NSUN7: variants seen among roughly 807,000 people sequenced by gnomAD.
NSUN7 encodes the protein NOP2/Sun RNA methyltransferase family member 7, also known as protein NSUN7.
In NSUN7, 39 loss-of-function variants were observed where a neutral mutation model predicts 58.5. The observed-to-expected ratio is 0.67, with a 90% confidence interval of 0.52 to 0.87. NSUN7 has a LOEUF of 0.87. NSUN7 is among the 40% of genes least tolerant of loss of function. The probability of loss-of-function intolerance (pLI) is 0.00; values close to 1 mark genes in which losing one functional copy is unlikely to be tolerated. For synonymous variants in NSUN7, 278 were observed against 303.7 expected (o/e 0.92, Z 0.88); for missense variants, 765 against 844.1 (o/e 0.91, Z 1.16).
In NSUN7 at chr4:40,810,909, C is replaced by CTT. The variant is rs1744275904; in HGVS notation, c.*1971_*1972dup. 1 of 152,186 alleles carries CTT rather than the reference C, an allele frequency of 6.6e-6. No homozygotes were observed. The allele number at this position is 152,186 out of a possible 1,614,324, so 9.4% of individuals were successfully genotyped here. On this transcript the variant is annotated 3_prime_UTR_variant, in exon 12 of 12. Transcript: ENST00000381782. ...ATCCCATTGTGTATCATAAGAATCC[C>CTT]TTATCCTTTTCGGGCCCTCCACCAT...
chr4:40,775,999 A>G lies in NSUN7; in HGVS notation c.826-50A>G, dbSNP rs1742241483. The G allele has an allele frequency of 8.5e-7, 1 of 1,175,374 alleles. No individual in the cohort carries two copies. The highest frequency in any genetic ancestry group is 1.2e-6 in the Non-Finnish European group (1 of 826,170). The allele number at this position is 1,175,374 out of a possible 1,614,324, so 72.8% of individuals were successfully genotyped here. A position where few individuals can be genotyped will look rare whatever the true frequency, so the allele number is the denominator to read the frequency against. On this transcript the variant is annotated intron_variant, in intron 6 of 11. Coordinates refer to ENST00000381782, the MANE Select transcript of NSUN7 (RefSeq NM_024677.6). The surrounding 1 kb of genome is among the most constrained non-coding windows in gnomAD (Gnocchi z 4.3). ...ATGTAAAGCAAATAGAAGTCAGCTT[A>G]TATTTCTAGCCATACCCTTTGAAAT...
chr4:40,756,034 C>T (rs989774738), intron 2 of NSUN7, among the ~76,000 whole-genome samples: 7 of 152,046 alleles, frequency 4.6e-5, no homozygotes, highest in Non-Finnish European at 1.0e-4. Flanking sequence ...CTTAGTTATT[C>T]AGTCTCTAGC....
In NSUN7 at chr4:40,794,397, CTCT is replaced by C; in HGVS notation, c.1204_1206del (p.Ser402del). 1 of 1,608,338 alleles carries C rather than the reference CTCT, an allele frequency of 6.2e-7. No homozygotes were observed. The highest frequency in any genetic ancestry group is 8.5e-7 in the Non-Finnish European group (1 of 1,175,902). On this transcript the variant is annotated inframe_deletion, in exon 9 of 12. Coordinates refer to ENST00000381782, the MANE Select transcript of NSUN7 (RefSeq NM_024677.6). The stretch of plus-strand genomic sequence containing the variant: ...CAGATACAGAATTCCTTAAAGATCA[CTCT>C]CAAGGAGGCATCTCAGTGGACAAAC...
chr4:40,774,181 A>T, intron 4 of NSUN7, 84 bp from the exon 5 acceptor site: 2 of 1,172,376 alleles, frequency 1.7e-6, no homozygotes, highest in Non-Finnish European at 2.5e-6. Context: ...TAAAATTCTA[A>T]ATGTAATTTT....
chr4:40,780,813 ATTTTTTTT>A (rs1171816788), intron 7 of NSUN7, among the ~76,000 whole-genome samples: 13 of 63,250 alleles, frequency 2.1e-4, no homozygotes, highest in East Asian at 9.7e-4. Flanking sequence ...ATATATATAT[ATTTTTTTT>A]TTTTTTTTTT....
At chr4:40,782,940 C>T (rs371440136) in intron 7 of NSUN7, among the ~76,000 whole-genome samples, 4 of 152,202 alleles carry the variant, frequency 2.6e-5, no homozygotes, top group South Asian at 4.2e-4. Context: ...TCAGAACACT[C>T]AATATTAAAT....
intron 7 of NSUN7, among the ~76,000 whole-genome samples, chr4:40,780,209 C>T (rs996285178): frequency 1.1e-4 from 16 of 152,132 alleles, no homozygotes; most frequent in African/African-American, 2.4e-4. Context: ...GAACCCCAGA[C>T]GCAGAGGTTG....
At chr4:40,800,636 G>A (rs759585768) in intron 10 of NSUN7, among the ~76,000 whole-genome samples, 4 of 152,004 alleles carry the variant, frequency 2.6e-5, no homozygotes, top group African/African-American at 9.7e-5. Context: ...CACCATGCCC[G>A]GCCCCTAAAC....
intron 4 of NSUN7, among the ~76,000 whole-genome samples, chr4:40,767,601 G>A (rs1445728953): frequency 6.6e-6 from 1 of 152,114 alleles, no homozygotes; most frequent in Non-Finnish European, 1.5e-5. Context: ...TATTAGGTCC[G>A]CTTGGTGCAG....
chr4:40,763,057 C>T (rs1022160217), intron 4 of NSUN7, among the ~76,000 whole-genome samples: 5 of 152,174 alleles, frequency 3.3e-5, no homozygotes, highest in African/African-American at 1.2e-4. Flanking sequence ...GTTAAAGGGA[C>T]TGTTTAATGC....
chr4:40,781,861 A>C (rs138668121), intron 7 of NSUN7, among the ~76,000 whole-genome samples: 68 of 152,368 alleles, frequency 4.5e-4, no homozygotes, highest in African/African-American at 1.5e-3. Flanking sequence ...TGCTAATAAA[A>C]AGAGCTGCAG....
chr4:40,776,406 C>G (rs1329413314), intron 7 of NSUN7, 147 bp downstream of exon 7: 8 of 548,738 alleles, frequency 1.5e-5, no homozygotes, highest in Non-Finnish European at 1.6e-5. Context: ...TATGTCTTAT[C>G]AGGCTGTCCT....
At chr4:40,786,819 A>G in intron 7 of NSUN7, 1 of 1,141,128 alleles carries the variant, frequency 8.8e-7, no homozygotes, top group Non-Finnish European at 1.2e-6. Context: ...GCCCTCCTGG[A>G]TGCTATTAAA....
intron 4 of NSUN7, among the ~76,000 whole-genome samples, chr4:40,766,876 G>A (rs1298403586): frequency 1.3e-5 from 2 of 150,172 alleles, no homozygotes; most frequent in Admixed American, 6.7e-5. Flanking sequence ...GCGTAGAGGT[G>A]TTTGTAGTAT....
At chr4:40,780,821 T>A (rs1329316456) in intron 7 of NSUN7, among the ~76,000 whole-genome samples, 4 of 120,930 alleles carry the variant, frequency 3.3e-5, no homozygotes, top group African/African-American at 1.3e-4. Flanking sequence ...ATATTTTTTT[T>A]TTTTTTTTTT....
At chr4:40,769,576 C>T (rs1204997495) in intron 4 of NSUN7, among the ~76,000 whole-genome samples, 2 of 152,156 alleles carry the variant, frequency 1.3e-5, no homozygotes, top group Non-Finnish European at 2.9e-5. Context: ...GATTGTTTTT[C>T]TTCTTTATTG....
At chr4:40,806,701 T>C (rs1743818651) in intron 10 of NSUN7, among the ~76,000 whole-genome samples, 3 of 152,186 alleles carry the variant, frequency 2.0e-5, no homozygotes, top group Admixed American at 2.0e-4. Context: ...ATATAGGACA[T>C]TTTGGATAAC....
chr4:40,781,534 C>T (rs796358249), intron 7 of NSUN7, among the ~76,000 whole-genome samples: 44 of 152,264 alleles, frequency 2.9e-4, no homozygotes, highest in African/African-American at 1.0e-3. Context: ...ATAAATTCAA[C>T]CTCCTGGGCC....
At chr4:40,753,943 C>G (rs1337642586) in intron 2 of NSUN7, among the ~76,000 whole-genome samples, 1 of 152,130 alleles carries the variant, frequency 6.6e-6, no homozygotes, top group Admixed American at 6.5e-5. Flanking sequence ...TGAGGCCTCC[C>G]CAGCCATATG....
Sources: allele counts gnomAD v4.1 joint callset (sites outside exome capture counted in the v4.1 genomes callset), GRCh38; gene constraint gnomAD v4.1.1; non-coding constraint Gnocchi (gnomAD v3.1); transcripts MANE v1.5; gene names NCBI Gene and HGNC (gene_info 2026-07-23, HGNC 2026-07-21).